Variants in BBS9 observed in about 807,000 individuals in gnomAD.
BBS9 encodes protein PTHB1.
BBS9 carries 89 observed loss-of-function variants against 117.7 expected under a neutral mutation model. The observed-to-expected ratio is 0.76, with a 90% CI of 0.64 to 0.90. The LOEUF is 0.90. Among genes scored for constraint, BBS9 ranks in the 40% least tolerant of loss-of-function variants. The probability of loss-of-function intolerance (pLI) is 0.00; values close to 1 mark genes in which losing one functional copy is unlikely to be tolerated. For synonymous variants in BBS9, 379 were observed against 370.9 expected, an observed-to-expected ratio of 1.02 and a Z score of -0.25; for missense variants, 982 against 1,042.2, an observed-to-expected ratio of 0.94 and a Z score of 0.80.
At chr7:33,242,334 G>C (rs1414898083) in intron 5 of BBS9, among the ~76,000 whole-genome samples, 3 of 151,832 alleles carry the variant, frequency 2.0e-5, no homozygotes, top group African/African-American at 7.3e-5. Context: ...TCTTTGCTTT[G>C]TACTGGGGAG....
chr7:33,363,875 G>T (rs980454207), intron 16 of BBS9, among the ~76,000 whole-genome samples: 1 of 151,648 alleles, frequency 6.6e-6, no homozygotes, highest in South Asian at 2.1e-4. Flanking sequence ...TAGCCCAACC[G>T]TGCATTCTTG....
At chr7:33,274,023 T>C (rs1286389127) in intron 9 of BBS9, 67 bp downstream of exon 9, 18 of 1,532,176 alleles carry the variant, frequency 1.2e-5, no homozygotes, top group Non-Finnish European at 1.5e-5. Flanking sequence ...AGAAGTTCTA[T>C]GAAATAATGA....
intron 19 of BBS9, among the ~76,000 whole-genome samples, chr7:33,435,293 A>G (rs1835133200): frequency 6.6e-6 from 1 of 152,196 alleles, no homozygotes; most frequent in South Asian, 2.1e-4. Context: ...TACTGGCTAT[A>G]TGACCTTTTA....
At chr7:33,144,121 C>G (rs886436772) in intron 1 of BBS9, among the ~76,000 whole-genome samples, 2 of 152,136 alleles carry the variant, frequency 1.3e-5, no homozygotes, top group African/African-American at 4.8e-5. Context: ...TGTTCAGTAA[C>G]TTTTAGTAAC....
At position 33,273,810 on chromosome 7, in the gene BBS9, G is replaced by A; in HGVS notation, c.887-17G>A. 6.2e-7 allele frequency: 1 copy of A among 1,603,184 alleles called. No homozygotes were observed. The highest frequency in any genetic ancestry group is 8.5e-7 in the Non-Finnish European group (1 of 1,171,556). On this transcript the variant is annotated splice_polypyrimidine_tract_variant and intron_variant, in intron 8 of 22. Coordinates refer to ENST00000242067, the MANE Select transcript of BBS9 (RefSeq NM_198428.3). ...ACTGTTTTCTTAGTGTCTCTTTTCT[G>A]TATTTTCAACTTACAGTTTCTGAAG...
intron 15 of BBS9, 109 bp downstream of exon 15, chr7:33,352,982 TAGA>T (rs1231252673): frequency 1.8e-5 from 21 of 1,144,516 alleles, no homozygotes; most frequent in Admixed American, 5.8e-5. Context: ...CTCTTTTAAC[TAGA>T]AGAAGTTCTT....
chr7:33,332,839 A>T (rs886084632), intron 9 of BBS9, among the ~76,000 whole-genome samples: 1 of 152,174 alleles, frequency 6.6e-6, no homozygotes, highest in East Asian at 1.9e-4. Context: ...GTGTTTTTTT[A>T]AATTGTGGTA....
At chr7:33,326,778 A>G (rs1812943567) in intron 9 of BBS9, among the ~76,000 whole-genome samples, 1 of 151,874 alleles carries the variant, frequency 6.6e-6, no homozygotes, top group Non-Finnish European at 1.5e-5. Context: ...AATGTCATCT[A>G]GGAGCTAGGG....
Position 33,232,554 on chromosome 7 carries a change from A to G in BBS9, c.443-24682A>G, listed in dbSNP as rs556730588. On this transcript the variant is annotated intron_variant, in intron 5 of 22. Coordinates refer to ENST00000242067, the MANE Select transcript of BBS9 (RefSeq NM_198428.3). ...TAAGAAAATAAAGATGCTAGAGCTCATCATTATTTTTACTTCCTTAGGTTT... is the reference window on the plus strand; with the variant it reads ...TAAGAAAATAAAGATGCTAGAGCTCGTCATTATTTTTACTTCCTTAGGTTT... Among the ~76,000 whole-genome samples the G allele has an allele frequency of 1.8e-3, 273 of 152,214 alleles. 1 individual carries two copies. The highest frequency in any genetic ancestry group is 0.014 in the Middle Eastern group (4 of 292).
chr7:33,452,985 CTTTA>C (rs772670702), intron 19 of BBS9, among the ~76,000 whole-genome samples: 1 of 152,130 alleles, frequency 6.6e-6, no homozygotes, highest in Non-Finnish European at 1.5e-5. Context: ...TGACTGTGCA[CTTTA>C]TTTAAGAAGG....
chr7:33,287,622 A>G (rs893968257), intron 9 of BBS9, among the ~76,000 whole-genome samples: 2 of 152,176 alleles, frequency 1.3e-5, no homozygotes, highest in South Asian at 2.1e-4. Context: ...ACTGTATTCA[A>G]TGGTTTTCCT....
chr7:33,599,150 A>G (rs573870814), intron 21 of BBS9, among the ~76,000 whole-genome samples: 5 of 152,308 alleles, frequency 3.3e-5, no homozygotes, highest in Admixed American at 6.5e-5. Context: ...AAGAGGCCCA[A>G]TTCACCTGGG....
chr7:33,395,185 A>C (rs1251967394), intron 19 of BBS9, among the ~76,000 whole-genome samples: 1 of 152,176 alleles, frequency 6.6e-6, no homozygotes, highest in Admixed American at 6.5e-5. Context: ...TCTTTTGGAG[A>C]GTTCCCTCAA....
At chr7:33,293,416 A>G (rs566093380) in intron 9 of BBS9, among the ~76,000 whole-genome samples, 50 of 152,146 alleles carry the variant, frequency 3.3e-4, no homozygotes, top group Non-Finnish European at 6.0e-4. Flanking sequence ...TAATTGTTAT[A>G]TGAGAGGAGA....
At chr7:33,285,539 T>A (rs17170166) in intron 9 of BBS9, among the ~76,000 whole-genome samples, 31 of 152,242 alleles carry the variant, frequency 2.0e-4, no homozygotes, top group Admixed American at 1.8e-3. Context: ...TTTTTGATGG[T>A]CATCGTTACA....
At chr7:33,594,855 T>C (rs1243147951) in intron 21 of BBS9, among the ~76,000 whole-genome samples, 2 of 152,012 alleles carry the variant, frequency 1.3e-5, no homozygotes, top group Admixed American at 1.3e-4. Flanking sequence ...TTCTGGAAAA[T>C]GTCTGCTCAG....
chr7:33,176,924 G>A (rs1339666557), intron 4 of BBS9, among the ~76,000 whole-genome samples: 1 of 152,122 alleles, frequency 6.6e-6, no homozygotes, highest in Non-Finnish European at 1.5e-5. Context: ...TTCTGTGTTT[G>A]GAAGGAGATT....
intron 21 of BBS9, among the ~76,000 whole-genome samples, chr7:33,559,519 G>A (rs1855775961): frequency 6.6e-6 from 1 of 152,118 alleles, no homozygotes; most frequent in African/African-American, 2.4e-5. Flanking sequence ...TCAGATAGCA[G>A]CCTTACCCGA....
At chr7:33,382,234 G>T (rs1825179319) in intron 17 of BBS9, among the ~76,000 whole-genome samples, 1 of 152,100 alleles carries the variant, frequency 6.6e-6, no homozygotes, top group African/African-American at 2.4e-5. Context: ...GGCCGAGGTG[G>T]GTGGATCACG....
Sources: gnomAD v4.1 joint callset for allele counts (sites outside exome capture counted in the v4.1 genomes callset) on GRCh38, gnomAD v4.1.1 for gene constraint, MANE v1.5 for transcripts, NCBI Gene and HGNC (gene_info 2026-07-23, HGNC 2026-07-21) for gene names.